STX8: variants seen among roughly 807,000 people sequenced by gnomAD.
The protein encoded by STX8 is syntaxin 8, also known as syntaxin-8.
A neutral mutation model predicts 37.5 loss-of-function variants in STX8; 23 were observed. The observed-to-expected ratio is 0.61, with a 90% CI of 0.44 to 0.87. STX8 has a LOEUF of 0.87. STX8 is among the 40% of genes least tolerant of loss of function. STX8 has a pLI of 0.00. For synonymous variants in STX8, 115 were observed against 99.1 expected, an observed-to-expected ratio of 1.16 and a Z score of -0.95; for missense variants, 313 against 284.7, an observed-to-expected ratio of 1.10 and a Z score of -0.71.
At chr17:9,454,623 T>C (rs1198705870) in intron 6 of STX8, among the ~76,000 whole-genome samples, 2 of 147,974 alleles carry the variant, frequency 1.4e-5, no homozygotes, top group African/African-American at 5.1e-5. Flanking sequence ...GAGCTTGCAG[T>C]GAGCCAAGAT....
intron 6 of STX8, among the ~76,000 whole-genome samples, chr17:9,458,224 A>G (rs1905239326): frequency 6.6e-6 from 1 of 152,158 alleles, no homozygotes; most frequent in African/African-American, 2.4e-5. Flanking sequence ...ATCTTGGCTC[A>G]CTGCAAGCTC....
At chr17:9,324,007 T>C (rs1909665211) in intron 7 of STX8, among the ~76,000 whole-genome samples, 1 of 152,004 alleles carries the variant, frequency 6.6e-6, no homozygotes, top group Admixed American at 6.6e-5. Context: ...TCTGACATCA[T>C]GGCCAAAGAT....
intron 7 of STX8, among the ~76,000 whole-genome samples, chr17:9,324,287 A>G (rs1909684658): frequency 6.6e-6 from 1 of 152,202 alleles, no homozygotes; most frequent in African/African-American, 2.4e-5. Context: ...CCTGCAGTGC[A>G]GTTCTTGGAA....
At chr17:9,256,249 C>T (rs1261771351) in intron 7 of STX8, among the ~76,000 whole-genome samples, 1 of 152,168 alleles carries the variant, frequency 6.6e-6, no homozygotes, top group African/African-American at 2.4e-5. Context: ...CCCACACGCT[C>T]ACCCTTGTCT....
chr17:9,496,471 A>C (rs184980214), intron 5 of STX8, among the ~76,000 whole-genome samples: 20 of 152,316 alleles, frequency 1.3e-4, no homozygotes, highest in Admixed American at 3.9e-4. Context: ...TGATATCACA[A>C]GAGGGCAATT....
At chr17:9,356,971 T>G (rs1166049971) in intron 7 of STX8, among the ~76,000 whole-genome samples, 9 of 145,878 alleles carry the variant, frequency 6.2e-5, no homozygotes, top group Admixed American at 3.5e-4. Flanking sequence ...TTTTTTTTTT[T>G]TTTTTTTTTT....
chr17:9,279,855 G>A (rs967280238), intron 7 of STX8, among the ~76,000 whole-genome samples: 1 of 152,184 alleles, frequency 6.6e-6, no homozygotes, highest in Non-Finnish European at 1.5e-5. Flanking sequence ...ATAATCCACA[G>A]AAAACCCTTT....
At chr17:9,262,328 G>A (rs1345184001) in intron 7 of STX8, among the ~76,000 whole-genome samples, 1 of 152,118 alleles carries the variant, frequency 6.6e-6, no homozygotes. Context: ...AGGCCAACAA[G>A]GTTCTCTTCT....
At chr17:9,415,546 A>G (rs890733056) in intron 6 of STX8, among the ~76,000 whole-genome samples, 5 of 151,804 alleles carry the variant, frequency 3.3e-5, no homozygotes, top group African/African-American at 1.2e-4. Context: ...CCGAGGCGGG[A>G]GGATCACAAG....
At chr17:9,388,817 A>AAG (rs1912108410) in intron 6 of STX8, among the ~76,000 whole-genome samples, 1 of 151,796 alleles carries the variant, frequency 6.6e-6, no homozygotes, top group African/African-American at 2.4e-5. Flanking sequence ...AAAAAGAAAA[A>AAG]AAAAAAAAAA....
intron 7 of STX8, chr17:9,378,307 G>T: frequency 2.4e-6 from 1 of 418,970 alleles, no homozygotes; most frequent in Non-Finnish European, 4.4e-6. Context: ...TAAACACACA[G>T]AAAGGACTTT....
Position 9,348,952 on chromosome 17 carries a change from T to A in STX8, c.643+29600A>T, listed in dbSNP as rs551408257. On this transcript the variant is annotated intron_variant, in intron 7 of 7. Transcript: ENST00000306357. ...GCCTGAAACCAGGGACAGGACTGACTCTACAAATACTATCTTTTTTCCTAT... is the reference window on the plus strand; with the variant it reads ...GCCTGAAACCAGGGACAGGACTGACACTACAAATACTATCTTTTTTCCTAT... Among the ~76,000 whole-genome samples, 5 of 152,282 alleles carry A rather than the reference T, an allele frequency of 3.3e-5. No individual in the cohort carries two copies. In the South Asian group the frequency reaches 1.0e-3, roughly 32 times the overall value.
intron 6 of STX8, among the ~76,000 whole-genome samples, chr17:9,440,520 C>A (rs1037968665): frequency 2.0e-5 from 2 of 101,966 alleles, no homozygotes; most frequent in African/African-American, 3.7e-5. Context: ...CATAGTGAAT[C>A]AATGATTTTT....
intron 4 of STX8, among the ~76,000 whole-genome samples, chr17:9,513,437 A>C (rs1418291253): frequency 1.3e-5 from 2 of 152,224 alleles, no homozygotes; most frequent in Non-Finnish European, 2.9e-5. Context: ...GCTCAGCATT[A>C]CTAATCGTCA....
At chr17:9,404,700 G>C (rs1912747045) in intron 6 of STX8, among the ~76,000 whole-genome samples, 1 of 152,184 alleles carries the variant, frequency 6.6e-6, no homozygotes, top group South Asian at 2.1e-4. Flanking sequence ...TGATCTGCCT[G>C]CCTTGGCCTC....
Position 9,359,655 on chromosome 17 carries a change from C to T in STX8, c.643+18897G>A, listed in dbSNP as rs192358611. ...CCCAAATAGCTGGGACTACAAGCGC[C>T]GACCACCATGCCCGGCTAATATTTT... On this transcript the variant is annotated intron_variant, in intron 7 of 7. Transcript: ENST00000306357. 1.9e-3 allele frequency among the ~76,000 whole-genome samples: 294 copies of T among 151,822 alleles called. 2 individuals are homozygous for T. Among genetic ancestry groups the T allele is most frequent in the African/African-American group, 6.6e-3 (274 of 41,398 alleles).
intron 6 of STX8, chr17:9,461,376 C>T (rs1276395609): frequency 6.6e-6 from 1 of 152,094 alleles, no homozygotes; most frequent in African/African-American, 2.4e-5. Context: ...AGGGTGCACA[C>T]CCTCCACCTA....
chr17:9,390,473 G>A (rs1912174358), intron 6 of STX8, among the ~76,000 whole-genome samples: 1 of 151,044 alleles, frequency 6.6e-6, no homozygotes, highest in Non-Finnish European at 1.5e-5. Context: ...AGTGAGCTGA[G>A]ATCGCGCCAT....
intron 6 of STX8, chr17:9,464,740 T>G (rs1247590863): frequency 1.7e-5 from 2 of 115,938 alleles, no homozygotes; most frequent in Non-Finnish European, 3.5e-5. Context: ...TTTTTTTTTT[T>G]GTGACGGAGT....
Sources: gnomAD v4.1 joint callset for allele counts (sites outside exome capture counted in the v4.1 genomes callset) on GRCh38, gnomAD v4.1.1 for gene constraint, MANE v1.5 for transcripts, NCBI Gene and HGNC (gene_info 2026-07-23, HGNC 2026-07-21) for gene names.